Variants in UBE3C observed in about 807,000 individuals in gnomAD.
UBE3C encodes ubiquitin protein ligase E3C.
In UBE3C, 42 loss-of-function variants were observed where a neutral mutation model predicts 129.4. The ratio of observed to expected loss-of-function variants is 0.32; its 90% CI spans 0.25 to 0.42. The LOEUF is 0.42. Among genes scored for constraint, UBE3C ranks in the 10% least tolerant of loss-of-function variants. The pLI is 1.00. For missense variants in UBE3C, 1,049 were observed against 1,319.1 expected (o/e 0.80, Z 3.17); for synonymous variants, 510 against 492.4 (o/e 1.04, Z -0.47).
intron 10 of UBE3C, among the ~76,000 whole-genome samples, chr7:157,201,412 G>A (rs931012636): frequency 3.3e-5 from 5 of 151,076 alleles, no homozygotes; most frequent in Admixed American, 2.6e-4. Flanking sequence ...CAGAGGGGGA[G>A]CAGGTTCAAC....
rs148957726 is a variant in UBE3C, at chr7:157,239,946, A to G, written c.2482-8422A>G. 2.7e-3 allele frequency among the ~76,000 whole-genome samples: 416 copies of G among 152,312 alleles called. 4 individuals carry two copies. Among genetic ancestry groups the G allele is most frequent in the African/African-American group, 9.8e-3 (407 of 41,580 alleles). On this transcript the variant is annotated intron_variant, in intron 18 of 22. Transcript: ENST00000348165. Reference sequence around the variant, plus strand: ...GATGCAGCAGAGAGCAAGGATGGGAAGAGCAGTGTTCCCAGACCAGCCACA... The same window carrying G: ...GATGCAGCAGAGAGCAAGGATGGGAGGAGCAGTGTTCCCAGACCAGCCACA...
intron 16 of UBE3C, 45 bp from the exon 17 acceptor site, chr7:157,225,362 A>G (rs750139222): frequency 4.5e-5 from 71 of 1,566,740 alleles, no homozygotes; most frequent in Non-Finnish European, 1.4e-5. Flanking sequence ...AGGTTGTAAG[A>G]GGTCTTTTGT....
chr7:157,230,419 G>A (rs573135668), intron 17 of UBE3C, among the ~76,000 whole-genome samples: 11 of 151,110 alleles, frequency 7.3e-5, no homozygotes, highest in Non-Finnish European at 1.5e-4. Flanking sequence ...ATTACAGGCC[G>A]GGCACGGTGG....
intron 13 of UBE3C, among the ~76,000 whole-genome samples, chr7:157,214,121 C>A (rs1349691496): frequency 6.6e-6 from 1 of 151,986 alleles, no homozygotes; most frequent in African/African-American, 2.4e-5. Context: ...CCTCCACCGC[C>A]TTTTTTTGAT....
chr7:157,223,789 A>T (rs528752650), intron 16 of UBE3C, among the ~76,000 whole-genome samples: 1 of 152,080 alleles, frequency 6.6e-6, no homozygotes, highest in Non-Finnish European at 1.5e-5. Flanking sequence ...GCGTGGTGGC[A>T]TGTACCTGTA....
At chr7:157,258,504 G>C (rs968241118) in intron 22 of UBE3C, among the ~76,000 whole-genome samples, 4 of 152,234 alleles carry the variant, frequency 2.6e-5, no homozygotes, top group African/African-American at 9.6e-5. Flanking sequence ...CCAGGCTGGA[G>C]TGCAGAGGGC....
intron 1 of UBE3C, 72 bp downstream of exon 1, chr7:157,139,410 G>GTTGGACTCGGGA: frequency 7.0e-7 from 1 of 1,421,590 alleles, no homozygotes; most frequent in Non-Finnish European, 9.2e-7. Context: ...GGGACTCGGG[G>GTTGGACTCGGGA]CTGGACTCGG....
intron 10 of UBE3C, among the ~76,000 whole-genome samples, chr7:157,187,390 TTTC>T (rs925888592): frequency 9.9e-5 from 15 of 150,920 alleles, no homozygotes; most frequent in Non-Finnish European, 1.9e-4. Flanking sequence ...GGTTTTTTTT[TTTC>T]TTCTTCTTCT....
At chr7:157,196,262 G>A (rs558888461) in intron 10 of UBE3C, among the ~76,000 whole-genome samples, 3 of 152,342 alleles carry the variant, frequency 2.0e-5, no homozygotes, top group African/African-American at 7.2e-5. Context: ...CGCGAAACCC[G>A]TTTGGACTCC....
At chr7:157,189,269 G>A (rs1001895359) in intron 10 of UBE3C, 3 of 272,648 alleles carry the variant, frequency 1.1e-5, no homozygotes, top group Non-Finnish European at 2.0e-5. Flanking sequence ...TTTTAAAATT[G>A]GTTAAGTAAT....
intron 13 of UBE3C, among the ~76,000 whole-genome samples, chr7:157,212,754 G>T (rs1027052763): frequency 6.6e-6 from 1 of 151,972 alleles, no homozygotes; most frequent in Admixed American, 6.6e-5. Context: ...CCTTTGTGGG[G>T]TTTTTTTGTT....
chr7:157,157,504 A>G (rs937711433), intron 1 of UBE3C, among the ~76,000 whole-genome samples: 2 of 152,004 alleles, frequency 1.3e-5, no homozygotes, highest in African/African-American at 2.4e-5. Flanking sequence ...CTTTTCATAC[A>G]TTGACATGAT....
In UBE3C at chr7:157,182,344, T is replaced by A; in HGVS notation, c.991+16T>A. On this transcript the variant is annotated intron_variant, in intron 8 of 22. Transcript: ENST00000348165. ...AATTATTTGGGTATGAAATACAAGA[T>A]CTTTTTTACCTGAACACACATATGG... 6.2e-7 allele frequency: 1 copy of A among 1,611,884 alleles called. No homozygotes were observed. The highest frequency in any genetic ancestry group is 8.5e-7 in the Non-Finnish European group (1 of 1,178,834).
rs560281237 is a variant in UBE3C at position 157,207,462 on chromosome 7, C to T, written c.1483C>T (p.Arg495Ter). 6.2e-7 allele frequency: 1 copy of T among 1,613,878 alleles called. No homozygotes were observed. Among genetic ancestry groups the T allele is most frequent in the East Asian group, 2.2e-5 (1 of 44,864 alleles). ...TCCTATGTCTTTTGAAGATTCTAGT[C>T]GAATCATCCCACTCTTTTATCTTTT... Reference protein sequence around the residue: ...GSPMSFEDSSRIIPLFYLFSS... With the variant: ...GSPMSFEDSS Residue 495 changes from arginine (R) to a stop codon, truncating the protein, a stop_gained, in exon 12 of 23, where the codon CGA (arginine) becomes TGA (stop). Coordinates refer to ENST00000348165, the MANE Select transcript of UBE3C (RefSeq NM_014671.3). LOFTEE classifies it high-confidence loss of function.
intron 22 of UBE3C, among the ~76,000 whole-genome samples, chr7:157,261,479 T>C (rs1003379840): frequency 1.3e-5 from 2 of 152,152 alleles, no homozygotes; most frequent in African/African-American, 4.8e-5. Context: ...TTCTAACATA[T>C]GTGAAATTTA....
chr7:157,149,159 C>T (rs2116807045), intron 1 of UBE3C, among the ~76,000 whole-genome samples: 1 of 152,244 alleles, frequency 6.6e-6, no homozygotes, highest in African/African-American at 2.4e-5. Context: ...CAGGTTCAAG[C>T]AATTCTCCTG....
intron 14 of UBE3C, among the ~76,000 whole-genome samples, chr7:157,219,579 T>G (rs1348221247): frequency 2.6e-5 from 4 of 152,118 alleles, no homozygotes; most frequent in African/African-American, 9.7e-5. Flanking sequence ...TTATGGGAAA[T>G]TTTACAGGAT....
chr7:157,227,339 G>A (rs1795906480), intron 17 of UBE3C, among the ~76,000 whole-genome samples: 1 of 152,094 alleles, frequency 6.6e-6, no homozygotes, highest in Admixed American at 6.6e-5. Flanking sequence ...AAGTGGGGGG[G>A]CTGTAAGCTC....
At chr7:157,177,649 A>T (rs548368608) in intron 5 of UBE3C, among the ~76,000 whole-genome samples, 1 of 152,320 alleles carries the variant, frequency 6.6e-6, no homozygotes, top group Admixed American at 6.5e-5. Flanking sequence ...GAAAGTTGTG[A>T]AAAGGGCAAA....
Sources: allele counts gnomAD v4.1 joint callset (sites outside exome capture counted in the v4.1 genomes callset), GRCh38; gene constraint gnomAD v4.1.1; transcripts MANE v1.5; gene names NCBI Gene and HGNC (gene_info 2026-07-23, HGNC 2026-07-21).